Variants in PSMA1 observed in about 807,000 individuals in gnomAD.
The protein encoded by PSMA1 is proteasome subunit alpha type-1.
A neutral mutation model predicts 38.4 loss-of-function variants in PSMA1; 3 were observed. The ratio of observed to expected loss-of-function variants is 0.08; its 90% CI spans 0.04 to 0.20. The LOEUF is 0.20. Among genes scored for constraint, PSMA1 ranks in the 10% least tolerant of loss-of-function variants. The pLI, the probability that PSMA1 is intolerant of heterozygous loss-of-function variation, is 1.00. For missense variants in PSMA1, 227 were observed against 325.3 expected, an observed-to-expected ratio of 0.70 and a Z score of 2.32; for synonymous variants, 101 against 107.1, an observed-to-expected ratio of 0.94 and a Z score of 0.35.
At chr11:14,615,118 T>C (rs1175968931) in intron 1 of PSMA1, among the ~76,000 whole-genome samples, 1 of 152,278 alleles carries the variant, frequency 6.6e-6, no homozygotes, top group South Asian at 2.1e-4. Context: ...CTATGAGATA[T>C]TGACAATGCT....
intron 2 of PSMA1, among the ~76,000 whole-genome samples, chr11:14,563,262 C>T (rs1852030747): frequency 6.6e-6 from 1 of 152,182 alleles, no homozygotes; most frequent in African/African-American, 2.4e-5. Context: ...AGGTGCTTAG[C>T]AGAAATGGAT....
At chr11:14,512,925 T>C (rs1299941231) in intron 7 of PSMA1, among the ~76,000 whole-genome samples, 2 of 152,250 alleles carry the variant, frequency 1.3e-5, no homozygotes, top group Non-Finnish European at 2.9e-5. Context: ...TTAAACCTAT[T>C]GTCATCCCAC....
At chr11:14,579,839 A>G (rs1048855180) in intron 2 of PSMA1, among the ~76,000 whole-genome samples, 1 of 152,188 alleles carries the variant, frequency 6.6e-6, no homozygotes, top group Non-Finnish European at 1.5e-5. Flanking sequence ...TGAACATGAT[A>G]TATCCTTCCT....
chr11:14,524,976 A>G (rs1436411223), upstream of PSMA1, among the ~76,000 whole-genome samples: 1 of 152,128 alleles, frequency 6.6e-6, no homozygotes, highest in African/African-American at 2.4e-5. Context: ...TCTTCTCGGA[A>G]GCCTCCTGGA....
At chr11:14,643,199 C>T (rs1315423270) in intron 1 of PSMA1, among the ~76,000 whole-genome samples, 1 of 151,550 alleles carries the variant, frequency 6.6e-6, no homozygotes, top group Non-Finnish European at 1.5e-5. Context: ...GCCCAAGAAT[C>T]CACGTTGCTT....
chr11:14,635,762 T>C (rs1853106558), intron 1 of PSMA1, among the ~76,000 whole-genome samples: 1 of 152,186 alleles, frequency 6.6e-6, no homozygotes, highest in Non-Finnish European at 1.5e-5. Context: ...GTTGTATGAC[T>C]CATTGAAGCC....
At chr11:14,611,259 G>T (rs897810131) in intron 1 of PSMA1, 9 of 435,702 alleles carry the variant, frequency 2.1e-5, no homozygotes, top group African/African-American at 1.6e-4. Context: ...TCTCCTGGGG[G>T]TAAGTAGATA....
At chr11:14,559,820 T>C (rs1015506061) in intron 2 of PSMA1, among the ~76,000 whole-genome samples, 1 of 152,178 alleles carries the variant, frequency 6.6e-6, no homozygotes, top group Non-Finnish European at 1.5e-5. Flanking sequence ...TCCCTAGAAA[T>C]AGACTCTGAG....
chr11:14,571,588 G>C (rs1852141456), intron 2 of PSMA1, among the ~76,000 whole-genome samples: 1 of 152,184 alleles, frequency 6.6e-6, no homozygotes. Context: ...ATTGATGCTA[G>C]GAAGAAACTG....
In PSMA1 at chr11:14,626,214, A is replaced by G. The variant is rs567850712; in HGVS notation, c.-165-15063T>C. ...GTACAGTCTGGCAGTCTACAAATTT[A>G]TAACACTTGGCATTTGAGCAAAACA... On this transcript the variant is annotated intron_variant, in intron 1 of 10. Coordinates refer to the PSMA1 transcript ENST00000418988. 1.6e-4 allele frequency among the ~76,000 whole-genome samples: 25 copies of G among 151,754 alleles called. 1 individual carries two copies. The South Asian group carries it at 5.2e-3, about 31-fold the overall frequency.
At chr11:14,623,776 G>C (rs1182732399) in intron 1 of PSMA1, among the ~76,000 whole-genome samples, 3 of 152,192 alleles carry the variant, frequency 2.0e-5, no homozygotes, top group Non-Finnish European at 4.4e-5. Context: ...CAGGAGCATG[G>C]ACCTCCCATC....
intron 3 of PSMA1, 21 bp from the exon 4 acceptor site, chr11:14,517,766 A>T (rs1303910857): frequency 1.4e-6 from 2 of 1,450,934 alleles, no homozygotes; most frequent in Admixed American, 2.5e-5. Flanking sequence ...ACATTATAAG[A>T]TGTAAAAAAA....
chr11:14,543,168 A>T (rs1851791440), intron 2 of PSMA1, among the ~76,000 whole-genome samples: 1 of 152,190 alleles, frequency 6.6e-6, no homozygotes. Flanking sequence ...AAAGTACATG[A>T]GGCTGGACCT....
chr11:14,564,541 T>C (rs914766968), intron 2 of PSMA1, among the ~76,000 whole-genome samples: 22 of 152,212 alleles, frequency 1.4e-4, no homozygotes, highest in Non-Finnish European at 2.8e-4. Flanking sequence ...AGTCTTCATT[T>C]GTCTGAGATA....
At chr11:14,592,366 C>CTCTT (rs1852428880) in intron 2 of PSMA1, among the ~76,000 whole-genome samples, 2 of 109,130 alleles carry the variant, frequency 1.8e-5, no homozygotes, top group South Asian at 6.0e-4. Flanking sequence ...CTCTCTCTCT[C>CTCTT]TCTCTCTCTC....
chr11:14,638,498 G>A (rs1415988328), intron 1 of PSMA1, among the ~76,000 whole-genome samples: 2 of 104,468 alleles, frequency 1.9e-5, no homozygotes, highest in African/African-American at 3.8e-5. Context: ...GCTTAGTGGA[G>A]AAACACACCT....
intron 1 of PSMA1, among the ~76,000 whole-genome samples, chr11:14,631,556 T>C (rs1853011523): frequency 6.6e-6 from 1 of 152,232 alleles, no homozygotes; most frequent in Admixed American, 6.5e-5. Context: ...TCTGTTCTTT[T>C]ACATTTGCTG....
At position 14,514,134 on chromosome 11, in the gene PSMA1, G is replaced by T. The variant is rs922601226; in HGVS notation, c.344-247C>A. 14 of 1,319,026 alleles carry T rather than the reference G, an allele frequency of 1.1e-5. No homozygotes were observed. The East Asian group carries it at 1.5e-4, about 14-fold the overall frequency. The allele number at this position is 1,319,026 out of a possible 1,614,324, so 81.7% of individuals were successfully genotyped here. Reference sequence around the variant, plus strand: ...AACCTGATTTGTTTTGGATACAAGGGGTCTAGGATTTCTTGGGACATCTAG... The same window carrying T: ...AACCTGATTTGTTTTGGATACAAGGTGTCTAGGATTTCTTGGGACATCTAG... On this transcript the variant is annotated intron_variant, in intron 5 of 9. Transcript: ENST00000396394.
intron 1 of PSMA1, among the ~76,000 whole-genome samples, chr11:14,641,154 GTA>G (rs1853195356): frequency 6.6e-6 from 1 of 151,360 alleles, no homozygotes; most frequent in Non-Finnish European, 1.5e-5. Context: ...TTCTGCACAT[GTA>G]TCCCAGAACT....
Sources: gnomAD v4.1 joint callset for allele counts (sites outside exome capture counted in the v4.1 genomes callset) on GRCh38, gnomAD v4.1.1 for gene constraint, MANE v1.5 for transcripts, NCBI Gene and HGNC (gene_info 2026-07-23, HGNC 2026-07-21) for gene names.